Variants in RAB40C observed in about 807,000 individuals in gnomAD.
RAB40C encodes RAB40C, member RAS oncogene family, also known as ras-related protein Rab-40C.
RAB40C carries 8 observed loss-of-function variants against 28.1 expected under a neutral mutation model. The observed-to-expected ratio is 0.28, with a 90% CI of 0.17 to 0.51. The LOEUF (loss-of-function observed/expected upper bound fraction) is 0.51. RAB40C is among the 20% of genes least tolerant of loss of function. RAB40C has a pLI of 0.97. For missense variants in RAB40C, 288 were observed against 405.9 expected, an observed-to-expected ratio of 0.71 and a Z score of 2.50; for synonymous variants, 201 against 171.7, an observed-to-expected ratio of 1.17 and a Z score of -1.34.
intron 1 of RAB40C, among the ~76,000 whole-genome samples, chr16:604,399 T>G (rs574837269): frequency 6.6e-5 from 10 of 152,218 alleles, no homozygotes; most frequent in Non-Finnish European, 1.3e-4. Flanking sequence ...CTTCTGAAGG[T>G]GTTTCTCTAG....
Position 620,394 on chromosome 16 carries a change from A to T in RAB40C, c.264+2134A>T, listed in dbSNP as rs1317383601. 1.6e-4 allele frequency among the ~76,000 whole-genome samples: 25 copies of T among 152,248 alleles called. 1 individual carries two copies. The highest frequency in any genetic ancestry group is 1.6e-3 in the Admixed American group (25 of 15,286). ...GGCGACGAGTGAAACTCCATCTCAA[A>T]AAAAAAGGAGGAGCTGTGTGGGTGA... On this transcript the variant is annotated intron_variant, in intron 3 of 5. Transcript: ENST00000248139.
intron 1 of RAB40C, among the ~76,000 whole-genome samples, chr16:603,492 G>A (rs1054065284): frequency 6.6e-6 from 1 of 152,174 alleles, no homozygotes; most frequent in African/African-American, 2.4e-5. Flanking sequence ...GGGACAGGCA[G>A]TGCCTTCACA....
At chr16:600,709 A>G (rs1302574662) in intron 1 of RAB40C, among the ~76,000 whole-genome samples, 2 of 152,176 alleles carry the variant, frequency 1.3e-5, no homozygotes, top group African/African-American at 4.8e-5. Flanking sequence ...CCGAGTTTGC[A>G]CCACTACACT....
rs1003861981 is a variant in RAB40C, at chr16:628,149, G to T, written c.*527G>T. The stretch of plus-strand genomic sequence containing the variant: ...GGCCGGGGGAGCAGACAGGGCCGGT[G>T]CTCCCTCTGGAAGCTTGGGTGACCG... On this transcript the variant is annotated 3_prime_UTR_variant, in exon 6 of 6. Coordinates refer to ENST00000248139, the MANE Select transcript of RAB40C (RefSeq NM_021168.5). 6.5e-6 allele frequency: 1 copy of T among 152,856 alleles called. No individual in the cohort carries two copies. The highest frequency in any genetic ancestry group is 2.1e-4 in the South Asian group (1 of 4,862). The allele number at this position is 152,856 out of a possible 1,614,324, so 9.5% of individuals were successfully genotyped here. A position where few individuals can be genotyped will look rare whatever the true frequency, so the allele number is the denominator to read the frequency against.
Position 617,221 on chromosome 16 carries a change from G to A in RAB40C, c.156G>A (p.Lys52=). The change falls in exon 2 of 6, where the codon AAG becomes AAA. Residue 52 remains lysine, a synonymous_variant. Transcript: ENST00000248139. ...PYAYSNGIDY[K]TTTILLDGRR... ...GCTTCCTCGCAGGGATCGACTACAA[G>A]ACCACCACCATCCTGCTGGACGGCC... 6.2e-7 allele frequency: 1 copy of A among 1,614,002 alleles called. No homozygotes were observed. The highest frequency in any genetic ancestry group is 8.5e-7 in the Non-Finnish European group (1 of 1,180,010).
chr16:592,222 C>T (rs7189914), intron 1 of RAB40C, among the ~76,000 whole-genome samples: 26,708 of 152,230 alleles, frequency 0.18, 2,553 homozygotes, highest in South Asian at 0.26. Context: ...GTCTGACTGC[C>T]CTGAGCGTCT....
At chr16:594,648 T>A (rs558075072) in intron 1 of RAB40C, among the ~76,000 whole-genome samples, 1 of 152,216 alleles carries the variant, frequency 6.6e-6, no homozygotes, top group South Asian at 2.1e-4. Context: ...CGGCTGCTTA[T>A]CCCCAGGGCT....
intron 1 of RAB40C, among the ~76,000 whole-genome samples, chr16:593,763 C>T (rs998746448): frequency 1.3e-5 from 2 of 152,200 alleles, no homozygotes; most frequent in African/African-American, 2.4e-5. Flanking sequence ...TGTGGGTGTG[C>T]GCTGGGTTTC....
rs185520196 is a variant in RAB40C, at chr16:629,147, T to C, written c.*1525T>C. ...GATTATGAACAAACCTCACAGACTT[T>C]GAGGACCTGGATGGTCCTGCATTCA... On this transcript the variant is annotated 3_prime_UTR_variant, in exon 6 of 6. Coordinates refer to ENST00000248139, the MANE Select transcript of RAB40C (RefSeq NM_021168.5). 6.1e-4 allele frequency: 104 copies of C among 171,482 alleles called. No homozygotes were observed. The highest frequency in any genetic ancestry group is 1.9e-3 in the Admixed American group (34 of 17,770). The allele number at this position is 171,482 out of a possible 1,614,324, so 10.6% of individuals were successfully genotyped here.
intron 1 of RAB40C, among the ~76,000 whole-genome samples, chr16:595,352 G>T (rs1458748128): frequency 6.6e-6 from 1 of 152,220 alleles, no homozygotes; most frequent in Non-Finnish European, 1.5e-5. Context: ...TGGGCTTGGG[G>T]TCCGGGAGGA....
chr16:606,997 C>T (rs12149324), intron 1 of RAB40C, among the ~76,000 whole-genome samples: 1 of 152,112 alleles, frequency 6.6e-6, no homozygotes, highest in Non-Finnish European at 1.5e-5. Flanking sequence ...CCCAGACAGA[C>T]AGACTACCAC....
intron 1 of RAB40C, among the ~76,000 whole-genome samples, chr16:597,318 GC>G (rs1331278652): frequency 6.6e-6 from 1 of 152,004 alleles, no homozygotes; most frequent in East Asian, 1.9e-4. Context: ...GAAGCACTCG[GC>G]CCCTGAGCAG....
chr16:620,274 T>C (rs760677569), intron 3 of RAB40C, among the ~76,000 whole-genome samples: 37 of 151,928 alleles, frequency 2.4e-4, no homozygotes, highest in Non-Finnish European at 4.3e-4. Flanking sequence ...GCGCTTATAA[T>C]CCCAGCTACT....
chr16:617,399 T>G, intron 2 of RAB40C, 131 bp downstream of exon 2: 1 of 1,076,256 alleles, frequency 9.3e-7, no homozygotes, highest in South Asian at 1.3e-5. Flanking sequence ...ACAGCCCCTG[T>G]TTAAACATAG....
At chr16:601,896 G>C (rs2036260045) in intron 1 of RAB40C, among the ~76,000 whole-genome samples, 2 of 151,420 alleles carry the variant, frequency 1.3e-5, no homozygotes, top group Non-Finnish European at 2.9e-5. Context: ...GGGAGGCCGA[G>C]GTGGGTGGAT....
intron 3 of RAB40C, among the ~76,000 whole-genome samples, chr16:619,673 A>G (rs981971659): frequency 1.3e-5 from 2 of 152,138 alleles, no homozygotes; most frequent in African/African-American, 4.8e-5. Flanking sequence ...ATGTGGGCCC[A>G]GGGAGGCCGC....
chr16:607,166 G>A (rs992415368), intron 1 of RAB40C, among the ~76,000 whole-genome samples: 3 of 152,152 alleles, frequency 2.0e-5, no homozygotes, highest in African/African-American at 2.4e-5. Flanking sequence ...CAGGTGCCAC[G>A]TCCACTCCCC....
chr16:592,108 A>G (rs1357207578), intron 1 of RAB40C, among the ~76,000 whole-genome samples: 1 of 152,212 alleles, frequency 6.6e-6, no homozygotes, highest in African/African-American at 2.4e-5. Flanking sequence ...CAGCCTCCCC[A>G]GAGTCCATCT....
intron 1 of RAB40C, among the ~76,000 whole-genome samples, chr16:611,142 T>C (rs7204088): frequency 0.23 from 34,550 of 152,150 alleles, 4,857 homozygotes; most frequent in East Asian, 0.6. Context: ...GAGCAGCCTC[T>C]GATTCAAGAG....
Sources: gnomAD v4.1 joint callset for allele counts (sites outside exome capture counted in the v4.1 genomes callset) on GRCh38, gnomAD v4.1.1 for gene constraint, MANE v1.5 for transcripts, NCBI Gene and HGNC (gene_info 2026-07-23, HGNC 2026-07-21) for gene names.